FMN1: variants seen among roughly 807,000 people sequenced by gnomAD.
The protein encoded by FMN1 is formin-1.
Under a neutral mutation model 132.4 loss-of-function variants are expected in FMN1, and 110 were observed. The ratio of observed to expected loss-of-function variants is 0.83; its 90% CI spans 0.71 to 0.97. The LOEUF is 0.97. Among genes scored for constraint, FMN1 ranks in the 50% least tolerant of loss-of-function variants. FMN1 has a pLI of 0.00. For synonymous variants in FMN1, 722 were observed against 651.7 expected (o/e 1.11, Z -1.64); for missense variants, 1,792 against 1,705.3 (o/e 1.05, Z -0.90).
chr15:32,823,954 G>T (rs1460079523), intron 17 of FMN1, among the ~76,000 whole-genome samples: 1 of 152,210 alleles, frequency 6.6e-6, no homozygotes, highest in Non-Finnish European at 1.5e-5. Context: ...GACCACATTG[G>T]AACAGTGTGC....
chr15:32,948,660 G>T (rs1567446436), intron 9 of FMN1, among the ~76,000 whole-genome samples: 1 of 151,806 alleles, frequency 6.6e-6, no homozygotes, highest in African/African-American at 2.4e-5. Context: ...GCAAAAATTT[G>T]TTCATGGTAT....
chr15:33,058,758 A>G (rs777079045), intron 6 of FMN1, among the ~76,000 whole-genome samples: 2 of 152,200 alleles, frequency 1.3e-5, no homozygotes, highest in African/African-American at 4.8e-5. Context: ...AATAACCTGC[A>G]TAATTTTTTA....
Position 32,901,978 on chromosome 15 carries a change from C to T in FMN1, c.3440G>A (p.Arg1147Lys). The change falls in exon 13 of 21, where the codon AGA (arginine) becomes AAA (lysine). Residue 1147 changes from arginine to lysine, a missense_variant. Coordinates refer to ENST00000616417, the MANE Select transcript of FMN1 (RefSeq NM_001277313.2). ...GGTGATACCCTCAGAAAAGACAGATCTGAAGATTATGCACTGGGCACGTTC... is the reference window on the plus strand; with the variant it reads ...GGTGATACCCTCAGAAAAGACAGATTTGAAGATTATGCACTGGGCACGTTC... ...FAERAQCIIFRSVFSEGITSL... is the reference protein window; with the variant it reads ...FAERAQCIIFKSVFSEGITSL... 1 of 1,613,428 alleles carries T rather than the reference C, an allele frequency of 6.2e-7. No homozygotes were observed. Among genetic ancestry groups the T allele is most frequent in the Non-Finnish European group, 8.5e-7 (1 of 1,179,546 alleles).
chr15:33,153,573 G>A lies in FMN1; in HGVS notation c.1342C>T (p.Pro448Ser). The A allele has an allele frequency of 2.0e-6, 3 of 1,536,252 alleles. No homozygotes were observed. Among genetic ancestry groups the A allele is most frequent in the African/African-American group, 1.4e-5 (1 of 73,172 alleles). The stretch of plus-strand genomic sequence containing the variant: ...TTTCTCGTTTCTGGGCGAGTGTGAG[G>A]GACACTCGTGTGGACAGGGAAGCCC... ...RLGFPVHTSV[P>S]HTRPETRNKR... The change falls in exon 4 of 21, where the codon CCT (proline) becomes TCT (serine). Residue 448 changes from proline to serine, a missense_variant. Around this residue, in one of 3 missense-constraint regions of FMN1, gnomAD observed 638 missense variants for 645.2 expected, o/e 0.99. Coordinates refer to ENST00000616417, the MANE Select transcript of FMN1 (RefSeq NM_001277313.2).
In FMN1 at chr15:32,900,223, G is replaced by A. The variant is rs763862186; in HGVS notation, c.3508-98C>T. On this transcript the variant is annotated intron_variant, in intron 13 of 20. Coordinates refer to ENST00000616417, the MANE Select transcript of FMN1 (RefSeq NM_001277313.2). ...GACTGTGTACTCAATAGGCTGTCGG[G>A]AGGCTTGGTACCAACAGAATTAACA... The A allele has an allele frequency of 3.8e-6, 5 of 1,309,404 alleles. No homozygotes were observed. In the South Asian group the frequency reaches 6.0e-5, roughly 16 times the overall value. The allele number at this position is 1,309,404 out of a possible 1,614,324, so 81.1% of individuals were successfully genotyped here.
In FMN1 at chr15:32,776,903, C is replaced by G; in HGVS notation, c.4147G>C (p.Glu1383Gln). Residue 1383 changes from glutamate (E) to glutamine (Q), a missense_variant, in exon 20 of 21, where the codon GAA becomes CAA. Transcript: ENST00000616417. Reference protein sequence around the residue: ...ISKERLKMAQESVSKLTSEKK... With the variant: ...ISKERLKMAQQSVSKLTSEKK... Reference sequence around the variant, plus strand: ...TCTGAAGTCAACTTGCTGACTGATTCCTGAGCCATTTTCAATCTGAAATAG... The same window carrying G: ...TCTGAAGTCAACTTGCTGACTGATTGCTGAGCCATTTTCAATCTGAAATAG... 8.8e-6 allele frequency: 14 copies of G among 1,589,262 alleles called. No homozygotes were observed. The highest frequency in any genetic ancestry group is 1.2e-5 in the Non-Finnish European group (14 of 1,164,792).
intron 6 of FMN1, among the ~76,000 whole-genome samples, chr15:33,057,312 T>C (rs2037262954): frequency 6.6e-6 from 1 of 152,212 alleles, no homozygotes; most frequent in African/African-American, 2.4e-5. Flanking sequence ...TATTTATTGA[T>C]CTACATAGTG....
At chr15:32,904,072 G>A (rs2060362034) in intron 12 of FMN1, among the ~76,000 whole-genome samples, 1 of 152,152 alleles carries the variant, frequency 6.6e-6, no homozygotes. Context: ...ACCATGCGAA[G>A]ATCTGAGAAC....
At chr15:33,128,367 A>C (rs1384252378) in intron 4 of FMN1, among the ~76,000 whole-genome samples, 1 of 152,170 alleles carries the variant, frequency 6.6e-6, no homozygotes, top group Non-Finnish European at 1.5e-5. Context: ...TCAAGGATTC[A>C]CCAGCCTCTC....
chr15:33,112,888 A>G (rs2039766128), intron 4 of FMN1, among the ~76,000 whole-genome samples: 1 of 152,184 alleles, frequency 6.6e-6, no homozygotes, highest in African/African-American at 2.4e-5. Context: ...TATCGTCAGA[A>G]AGGTTAAGCC....
rs546940133 is a variant in FMN1 at position 33,102,117 on chromosome 15, T to C, written c.1868-13143A>G. 2.6e-5 allele frequency among the ~76,000 whole-genome samples: 4 copies of C among 152,282 alleles called. No homozygotes were observed. The South Asian group carries it at 6.2e-4, about 24-fold the overall frequency. Reference sequence around the variant, plus strand: ...TCTGTACATGTATGATACTACAGCATGTGACGCTCCGTTATGTGCTAATTT... The same window carrying C: ...TCTGTACATGTATGATACTACAGCACGTGACGCTCCGTTATGTGCTAATTT... On this transcript the variant is annotated intron_variant, in intron 4 of 20. Transcript: ENST00000616417.
chr15:32,849,150 AT>A lies in FMN1; in HGVS notation c.3928+7864del, dbSNP rs76387836. On this transcript the variant is annotated intron_variant, in intron 17 of 20. Transcript: ENST00000616417. Reference sequence around the variant, plus strand: ...AGGCGCTTGTCACCACGCTCAGCTAATTTTTTTTTTTTTTGTATTTTTAGTA... The same window carrying A: ...AGGCGCTTGTCACCACGCTCAGCTAATTTTTTTTTTTTTGTATTTTTAGTA... Among the ~76,000 whole-genome samples, 223 of 140,162 alleles carry A rather than the reference AT, an allele frequency of 1.6e-3. 2 individuals are homozygous for A. The highest frequency in any genetic ancestry group is 4.6e-3 in the African/African-American group (174 of 37,994). The allele number at this position is 140,162 out of a possible 152,430, so 92.0% of individuals were successfully genotyped here. A position where few individuals can be genotyped will look rare whatever the true frequency, so the allele number is the denominator to read the frequency against.
intron 2 of FMN1, among the ~76,000 whole-genome samples, chr15:33,182,886 A>G (rs1325955208): frequency 6.6e-6 from 1 of 152,220 alleles, no homozygotes; most frequent in Non-Finnish European, 1.5e-5. Flanking sequence ...GGATTATGAT[A>G]AACATTTTGC....
intron 4 of FMN1, among the ~76,000 whole-genome samples, chr15:33,127,014 T>C (rs529437854): frequency 1.3e-5 from 2 of 152,144 alleles, no homozygotes; most frequent in Non-Finnish European, 2.9e-5. Flanking sequence ...ATGTGGGAGT[T>C]TGAGAAAACT....
rs540027411 is a variant in FMN1 at position 32,804,257 on chromosome 15, T to C, written c.3980+24A>G. ...AAGAATGGCTAGTCAAAGAAAGAAC[T>C]GGGGCCAAATCAGAGCTGCTTACCT... On this transcript the variant is annotated intron_variant, in intron 18 of 20. Coordinates refer to ENST00000616417, the MANE Select transcript of FMN1 (RefSeq NM_001277313.2). 3.2e-6 allele frequency: 5 copies of C among 1,538,694 alleles called. No individual in the cohort carries two copies. The South Asian group carries it at 4.8e-5, about 15-fold the overall frequency.
chr15:33,117,976 ATTG>A (rs968454534), intron 4 of FMN1, among the ~76,000 whole-genome samples: 62 of 152,292 alleles, frequency 4.1e-4, no homozygotes, highest in African/African-American at 1.5e-3. Context: ...TAGAAAGAAA[ATTG>A]TTGTTAATTT....
At chr15:32,908,431 A>G (rs1261868781) in intron 12 of FMN1, 59 bp downstream of exon 12, 10 of 1,117,766 alleles carry the variant, frequency 8.9e-6, no homozygotes, top group Non-Finnish European at 1.1e-5. Context: ...CTGGGAGACA[A>G]GAAGACAGAA....
intron 13 of FMN1, 71 bp from the exon 14 acceptor site, chr15:32,900,196 T>C: frequency 2.0e-6 from 3 of 1,537,982 alleles, no homozygotes; most frequent in Non-Finnish European, 1.8e-6. Context: ...GTAACAAATA[T>C]CGACTGTGTA....
chr15:32,807,328 C>T (rs1687501466), intron 17 of FMN1, among the ~76,000 whole-genome samples: 1 of 152,214 alleles, frequency 6.6e-6, no homozygotes, highest in African/African-American at 2.4e-5. Flanking sequence ...CTTTTGCTGT[C>T]TGATGTCCCC....
Sources: allele counts gnomAD v4.1 joint callset (sites outside exome capture counted in the v4.1 genomes callset), GRCh38; gene constraint gnomAD v4.1.1; regional missense constraint gnomAD v4.1.1; transcripts MANE v1.5; gene names NCBI Gene and HGNC (gene_info 2026-07-23, HGNC 2026-07-21).